Variants in DMTN observed in about 807,000 individuals in gnomAD.
The protein encoded by DMTN is dematin.
DMTN carries 27 observed loss-of-function variants against 59.4 expected under a neutral mutation model. The ratio of observed to expected loss-of-function variants is 0.45; its 90% CI spans 0.33 to 0.63. DMTN has a LOEUF of 0.63. Ranked by LOEUF, DMTN falls within the 20% of genes least tolerant of loss-of-function variation. The pLI is 0.02. For synonymous variants in DMTN, 221 were observed against 203.7 expected, an observed-to-expected ratio of 1.08 and a Z score of -0.72; for missense variants, 451 against 528.9, an observed-to-expected ratio of 0.85 and a Z score of 1.45.
chr8:22,067,481 G>A (rs1811718109), intron 3 of DMTN, 46 bp from the exon 4 acceptor site: 7 of 1,610,918 alleles, frequency 4.3e-6, no homozygotes, highest in Non-Finnish European at 5.9e-6. Flanking sequence ...CAGTGTCCTA[G>A]GCGGGGCTTT....
At chr8:22,078,098 C>A (rs1176757224) in intron 10 of DMTN, among the ~76,000 whole-genome samples, 1 of 150,946 alleles carries the variant, frequency 6.6e-6, no homozygotes, top group African/African-American at 2.4e-5. Context: ...GGTGCAGTGG[C>A]TCACACCCGT....
intron 8 of DMTN, 79 bp from the exon 9 acceptor site, chr8:22,072,247 G>A: frequency 1.3e-6 from 2 of 1,501,960 alleles, no homozygotes; most frequent in Non-Finnish European, 1.8e-6. Flanking sequence ...CCAGAGCAGT[G>A]CACAGAGGCT....
At position 22,082,152 on chromosome 8, in the gene DMTN, C is replaced by T. The variant is rs1325294831; in HGVS notation, c.*689C>T. 1.1e-5 allele frequency: 5 copies of T among 456,592 alleles called. No homozygotes were observed. The highest frequency in any genetic ancestry group is 2.2e-5 in the Non-Finnish European group (5 of 226,878). 28.3% of individuals were successfully genotyped at this position (456,592 alleles called of 1,614,324 possible). A position where few individuals can be genotyped will look rare whatever the true frequency, so the allele number is the denominator to read the frequency against. ...AGGCCACGAAATGGGAATTCCAGCA[C>T]TAAGCCAGGCACCGGGCAGAAGCTG... On this transcript the variant is annotated 3_prime_UTR_variant, in exon 16 of 16. Transcript: ENST00000358242.
At chr8:22,081,067 A>G in intron 14 of DMTN, 46 bp from the exon 15 acceptor site, 1 of 1,586,510 alleles carries the variant, frequency 6.3e-7, no homozygotes, top group South Asian at 1.1e-5. Flanking sequence ...GAGTCGAAGG[A>G]CAGGATATTC....
Position 22,073,834 on chromosome 8 carries a change from C to T in DMTN, c.834C>T (p.Thr278=). 1.2e-6 allele frequency: 2 copies of T among 1,613,470 alleles called. No homozygotes were observed. The highest frequency in any genetic ancestry group is 2.2e-5 in the South Asian group (2 of 91,054). The change falls in exon 10 of 16, where the codon ACC becomes ACT. Residue 278 remains threonine (T), a splice_region_variant and synonymous_variant. Coordinates refer to ENST00000358242, the MANE Select transcript of DMTN (RefSeq NM_001387751.1). ...TGCCTGACCGGACACCCTTCCATAC[C>T]TGTGAGTGCTGTGGAGGGGGCTCAG... The part of the protein sequence containing the change: ...RSLPDRTPFH[T]SLHQGTSKSS...
chr8:22,056,260 C>T (rs1042407243), upstream of DMTN, among the ~76,000 whole-genome samples: 1 of 152,168 alleles, frequency 6.6e-6, no homozygotes, highest in Non-Finnish European at 1.5e-5. Context: ...GAGGGGCCAG[C>T]TCAAGTCTCA....
intron 8 of DMTN, among the ~76,000 whole-genome samples, chr8:22,071,427 C>T (rs1815399465): frequency 6.6e-6 from 1 of 151,112 alleles, no homozygotes; most frequent in Admixed American, 6.6e-5. Context: ...GGAAGTCTTG[C>T]TCTATTGCCC....
chr8:22,049,966 A>G (rs553461225), upstream of DMTN, among the ~76,000 whole-genome samples: 9 of 152,304 alleles, frequency 5.9e-5, no homozygotes, highest in South Asian at 8.3e-4. Context: ...GCCGGCGCAG[A>G]GTCTGACACC....
intron 10 of DMTN, among the ~76,000 whole-genome samples, chr8:22,079,269 A>ATATATATATAT (rs1554562269): frequency 1.3e-3 from 28 of 21,164 alleles, no homozygotes; most frequent in African/African-American, 4.2e-3. Flanking sequence ...TAAATAAATA[A>ATATATATATAT]ATAAATAAAT....
chr8:22,056,578 G>A (rs745705561), upstream of DMTN, among the ~76,000 whole-genome samples: 25 of 152,308 alleles, frequency 1.6e-4, no homozygotes, highest in South Asian at 3.9e-3. Flanking sequence ...GTGTGTGTGC[G>A]TGTGAGTGCT....
chr8:22,050,469 C>T (rs1801229086), upstream of DMTN, among the ~76,000 whole-genome samples: 1 of 152,262 alleles, frequency 6.6e-6, no homozygotes, highest in African/African-American at 2.4e-5. Flanking sequence ...GAGACGGCTT[C>T]AAAGGTGGAC....
upstream of DMTN, among the ~76,000 whole-genome samples, chr8:22,051,603 G>A (rs558951620): frequency 6.6e-6 from 1 of 152,152 alleles, no homozygotes; most frequent in South Asian, 2.1e-4. Flanking sequence ...GCTCCTCACA[G>A]AGGACCCTCA....
At chr8:22,053,275 T>C (rs1183559178), upstream of DMTN, among the ~76,000 whole-genome samples, 1 of 152,124 alleles carries the variant, frequency 6.6e-6, no homozygotes, top group Non-Finnish European at 1.5e-5. Flanking sequence ...GGGGGCCAGA[T>C]GCAGTGGTCT....
At chr8:22,075,186 CAA>C (rs201457271) in intron 10 of DMTN, among the ~76,000 whole-genome samples, 3 of 131,304 alleles carry the variant, frequency 2.3e-5, no homozygotes, top group Admixed American at 1.6e-4. Flanking sequence ...GACTCTGTCT[CAA>C]AAAAAAAAAA....
In DMTN at chr8:22,067,115, C is replaced by A. The variant is rs762786971; in HGVS notation, c.49C>A (p.Pro17Thr). ...QPLTSPGSVSPSRDSSVPGSP... is the reference protein window; with the variant it reads ...QPLTSPGSVSTSRDSSVPGSP... ...ACTTACCTCCCCCGGGAGCGTGAGCCCCTCCCGAGATTCCAGTGTGCCTGG... is the reference window on the plus strand; with the variant it reads ...ACTTACCTCCCCCGGGAGCGTGAGCACCTCCCGAGATTCCAGTGTGCCTGG... Residue 17 changes from proline (P) to threonine (T), a missense_variant, in exon 3 of 16, where the codon CCC (proline) becomes ACC (threonine). By Grantham distance (38) the Pro-to-Thr change is conservative (BLOSUM62 -1). Coordinates refer to ENST00000358242, the MANE Select transcript of DMTN (RefSeq NM_001387751.1). The A allele has an allele frequency of 1.2e-5, 19 of 1,607,844 alleles. No homozygotes were observed. The South Asian group carries it at 1.8e-4, about 15-fold the overall frequency.
At chr8:22,080,988 T>C (rs1160306431) in intron 14 of DMTN, 118 bp downstream of exon 14, 2 of 1,482,122 alleles carry the variant, frequency 1.3e-6, no homozygotes, top group Non-Finnish European at 1.8e-6. Flanking sequence ...GGCAGGGAAG[T>C]TGGGGGAGAC....
intron 3 of DMTN, 141 bp downstream of exon 3, chr8:22,067,300 C>G: frequency 8.7e-7 from 1 of 1,143,786 alleles, no homozygotes; most frequent in Non-Finnish European, 1.2e-6. Flanking sequence ...ACCCAGAAAC[C>G]CAGAGAAGCT....
intron 13 of DMTN, 29 bp from the exon 14 acceptor site, chr8:22,080,776 C>G: frequency 1.9e-6 from 3 of 1,605,344 alleles, no homozygotes; most frequent in Non-Finnish European, 2.5e-6. Flanking sequence ...CTGCCCCGCT[C>G]TGGCTCACTG....
intron 10 of DMTN, among the ~76,000 whole-genome samples, chr8:22,078,803 T>TTTTTTTG (rs1330253043): frequency 8.1e-6 from 1 of 122,752 alleles, no homozygotes; most frequent in African/African-American, 3.1e-5. Context: ...AGACTGTTTT[T>TTTTTTTG]TTTTTTTTTT....
Sources: gnomAD v4.1 joint callset for allele counts (sites outside exome capture counted in the v4.1 genomes callset) on GRCh38, gnomAD v4.1.1 for gene constraint, MANE v1.5 for transcripts, NCBI Gene and HGNC (gene_info 2026-07-23, HGNC 2026-07-21) for gene names.